YME1L1: variants seen among roughly 807,000 people sequenced by gnomAD.
YME1L1 encodes ATP-dependent zinc metalloprotease YME1L1.
A neutral mutation model predicts 90.4 loss-of-function variants in YME1L1; 39 were observed. That is an observed-to-expected ratio of 0.43 (90% CI 0.33 to 0.56). The LOEUF is 0.56. Among genes scored for constraint, YME1L1 ranks in the 20% least tolerant of loss-of-function variants. YME1L1 has a pLI of 0.03. For synonymous variants in YME1L1, 284 were observed against 287.3 expected (o/e 0.99, Z 0.12); for missense variants, 617 against 868.4 (o/e 0.71, Z 3.64).
chr10:27,147,517 G>C, intron 2 of YME1L1: 1 of 1,609,094 alleles, frequency 6.2e-7, no homozygotes, highest in Non-Finnish European at 8.5e-7. Flanking sequence ...GAGGGAGAAG[G>C]GTTCTGGACG....
intron 5 of YME1L1, among the ~76,000 whole-genome samples, chr10:27,135,228 A>G (rs1414761196): frequency 6.6e-6 from 1 of 152,194 alleles, no homozygotes; most frequent in Non-Finnish European, 1.5e-5. Context: ...CTACACTGAA[A>G]ACAGGTCACA....
intron 4 of YME1L1, 121 bp from the exon 5 acceptor site, chr10:27,136,506 TCAATA>T (rs988710524): frequency 2.6e-6 from 2 of 771,124 alleles, no homozygotes; most frequent in African/African-American, 3.5e-5. Context: ...GCCTGACACT[TCAATA>T]CGTTTTCCTT....
At chr10:27,113,119 C>G (rs930248111) in intron 18 of YME1L1, among the ~76,000 whole-genome samples, 1 of 150,162 alleles carries the variant, frequency 6.7e-6, no homozygotes, top group Admixed American at 6.7e-5. Flanking sequence ...ACTCAGGAGG[C>G]TGAGGTGGGA....
Position 27,134,971 on chromosome 10 carries a change from A to C in YME1L1, c.551T>G (p.Leu184Trp). 6.2e-7 allele frequency: 1 copy of C among 1,612,404 alleles called. No homozygotes were observed. The highest frequency in any genetic ancestry group is 8.5e-7 in the Non-Finnish European group (1 of 1,179,954). The stretch of plus-strand genomic sequence containing the variant: ...CTCAACATCTGATCCTCTGTCCCGC[A>C]AAAGAAACCCCTGAATACACAAACA... ...IAPSFVKGFL[L>W]RDRGSDVESL... The change falls in exon 6 of 19, where the codon TTG becomes TGG. Residue 184 changes from leucine (L) to tryptophan (W), a missense_variant. Leu to Trp is a moderately conservative substitution (Grantham distance 61). Around this residue, in one of 4 missense-constraint regions of YME1L1, gnomAD observed 311 missense variants for 335.8 expected, o/e 0.93. Coordinates refer to ENST00000376016, the MANE Select transcript of YME1L1 (RefSeq NM_014263.4).
At chr10:27,112,205 G>A in intron 18 of YME1L1, 85 bp from the exon 19 acceptor site, 1 of 1,211,628 alleles carries the variant, frequency 8.3e-7, no homozygotes. Flanking sequence ...AAAACTTTAT[G>A]TACCCTAAAA....
intron 6 of YME1L1, 149 bp downstream of exon 6, chr10:27,134,682 G>T (rs770623236): frequency 1.6e-5 from 12 of 757,708 alleles, no homozygotes; most frequent in Non-Finnish European, 2.5e-5. Flanking sequence ...ACCATCAGCA[G>T]TATCGCCATT....
intron 14 of YME1L1, among the ~76,000 whole-genome samples, chr10:27,118,786 G>A (rs185237970): frequency 1.2e-3 from 176 of 152,208 alleles, no homozygotes; most frequent in African/African-American, 4.0e-3. Flanking sequence ...ATTTAAAATC[G>A]AAATTAAGCA....
intron 1 of YME1L1, among the ~76,000 whole-genome samples, chr10:27,151,478 A>G (rs1228469947): frequency 6.6e-6 from 1 of 152,252 alleles, no homozygotes; most frequent in Non-Finnish European, 1.5e-5. Flanking sequence ...TGAAGACAAC[A>G]AAGATTTAGA....
rs1564455089 is a variant in YME1L1, at chr10:27,116,150, AC to A, written c.1847-18del. On this transcript the variant is annotated intron_variant, in intron 16 of 18. Coordinates refer to ENST00000376016, the MANE Select transcript of YME1L1 (RefSeq NM_014263.4). ...TGGAAGCACCTAAAATAAAATAAAAACATACCATTTTAAAACATATCTTTAA... is the reference window on the plus strand; with the variant it reads ...TGGAAGCACCTAAAATAAAATAAAAAATACCATTTTAAAACATATCTTTAA... The A allele has an allele frequency of 6.2e-7, 1 of 1,613,636 alleles. No homozygotes were observed. The highest frequency in any genetic ancestry group is 2.2e-5 in the East Asian group (1 of 44,844).
At position 27,111,439 on chromosome 10, in the gene YME1L1, C is replaced by T. The variant is rs189982973; in HGVS notation, c.*538G>A. On this transcript the variant is annotated 3_prime_UTR_variant, in exon 19 of 19. Coordinates refer to ENST00000376016, the MANE Select transcript of YME1L1 (RefSeq NM_014263.4). ...GAACTCCTGGCCTCAAGCAATCCAC[C>T]CGCCTCAGCCTCCAAAAGTGCTGGG... 245 of 165,160 alleles carry T rather than the reference C, an allele frequency of 1.5e-3. 2 individuals are homozygous for T. The highest frequency in any genetic ancestry group is 6.2e-3 in the Middle Eastern group (2 of 324). 10.2% of individuals were successfully genotyped at this position (165,160 alleles called of 1,614,324 possible). A position where few individuals can be genotyped will look rare whatever the true frequency, so the allele number is the denominator to read the frequency against.
chr10:27,125,042 T>C (rs1381344272), intron 9 of YME1L1, among the ~76,000 whole-genome samples: 2 of 152,182 alleles, frequency 1.3e-5, no homozygotes, highest in African/African-American at 2.4e-5. Flanking sequence ...AATAATTTCA[T>C]ACACTGCTGT....
intron 2 of YME1L1, chr10:27,146,510 T>C (rs2135900287): frequency 6.6e-6 from 1 of 152,266 alleles, no homozygotes; most frequent in African/African-American, 2.4e-5. Flanking sequence ...GGTGGGAAGA[T>C]CGTTTGAGGC....
chr10:27,131,241 T>A (rs1404242142), intron 8 of YME1L1, among the ~76,000 whole-genome samples: 2 of 152,236 alleles, frequency 1.3e-5, no homozygotes, highest in Non-Finnish European at 2.9e-5. Context: ...TCTTTTAACA[T>A]ACTCTACTTT....
In YME1L1 at chr10:27,154,160, G is replaced by T; in HGVS notation, c.33+18C>A. On this transcript the variant is annotated intron_variant, in intron 1 of 18. Coordinates refer to ENST00000376016, the MANE Select transcript of YME1L1 (RefSeq NM_014263.4). ...GGCAGGGCGGGAGGAAAAAAAATGG[G>T]CTGAATGCCTGGCTTACCTGGGGTT... 1 of 1,583,614 alleles carries T rather than the reference G, an allele frequency of 6.3e-7. No homozygotes were observed. The highest frequency in any genetic ancestry group is 2.3e-5 in the East Asian group (1 of 43,590).
intron 8 of YME1L1, among the ~76,000 whole-genome samples, chr10:27,130,848 C>T (rs992473279): frequency 2.0e-5 from 3 of 152,160 alleles, no homozygotes; most frequent in African/African-American, 7.2e-5. Context: ...AGCGAAACTC[C>T]GTCTCAAAAA....
chr10:27,133,089 A>G (rs2056993038), intron 7 of YME1L1, among the ~76,000 whole-genome samples: 2 of 152,210 alleles, frequency 1.3e-5, no homozygotes, highest in African/African-American at 4.8e-5. Context: ...TTTGAAACAC[A>G]TTGCCTTAAA....
intron 7 of YME1L1, among the ~76,000 whole-genome samples, chr10:27,133,149 A>G (rs932932994): frequency 4.6e-5 from 7 of 152,222 alleles, no homozygotes; most frequent in Non-Finnish European, 1.0e-4. Context: ...GGCTTAACAC[A>G]TTATTATACT....
chr10:27,127,553 A>G (rs1293301017), intron 8 of YME1L1, among the ~76,000 whole-genome samples: 1 of 152,226 alleles, frequency 6.6e-6, no homozygotes, highest in African/African-American at 2.4e-5. Context: ...ATAAAGGATA[A>G]ATAAACCTCA....
chr10:27,138,517 G>C (rs957510450), intron 4 of YME1L1, among the ~76,000 whole-genome samples: 1 of 151,922 alleles, frequency 6.6e-6, no homozygotes, highest in Non-Finnish European at 1.5e-5. Flanking sequence ...ATACACACAC[G>C]TGTGTATGTG....
Sources: gnomAD v4.1 joint callset for allele counts (sites outside exome capture counted in the v4.1 genomes callset) on GRCh38, gnomAD v4.1.1 for gene constraint, gnomAD v4.1.1 regional missense constraint, MANE v1.5 for transcripts, NCBI Gene and HGNC (gene_info 2026-07-23, HGNC 2026-07-21) for gene names.